The following RICTOR variants were observed in gnomAD, a reference collection of about 807,000 sequenced individuals.
RICTOR encodes RPTOR independent companion of MTOR complex 2, also known as rapamycin-insensitive companion of mTOR.
A neutral mutation model predicts 214.9 loss-of-function variants in RICTOR; 49 were observed. The ratio of observed to expected loss-of-function variants is 0.23; its 90% CI spans 0.18 to 0.29. The LOEUF (loss-of-function observed/expected upper bound fraction) is 0.29. RICTOR is among the 10% of genes least tolerant of loss of function. RICTOR has a pLI of 1.00. For missense variants in RICTOR, 1,625 were observed against 2,047.0 expected, an observed-to-expected ratio of 0.79 and a Z score of 3.98; for synonymous variants, 717 against 711.3, an observed-to-expected ratio of 1.01 and a Z score of -0.13.
intron 6 of RICTOR, among the ~76,000 whole-genome samples, chr5:38,996,346 G>A (rs1219776253): frequency 6.6e-6 from 1 of 152,112 alleles, no homozygotes; most frequent in African/African-American, 2.4e-5. Context: ...TGTAGGCTGT[G>A]ACCTTTTATC....
chr5:38,967,457 G>T, intron 12 of RICTOR, 30 bp from the exon 13 acceptor site: 2 of 1,460,862 alleles, frequency 1.4e-6, no homozygotes, highest in South Asian at 1.2e-5. Flanking sequence ...GTAGGGAAAA[G>T]ATTAGATATC....
intron 8 of RICTOR, among the ~76,000 whole-genome samples, chr5:38,978,900 A>C (rs1006648871): frequency 3.3e-5 from 5 of 152,152 alleles, no homozygotes; most frequent in African/African-American, 1.2e-4. Context: ...AAGCACACTC[A>C]TGTAACTAGC....
chr5:39,067,108 T>G (rs1398359337), intron 2 of RICTOR, among the ~76,000 whole-genome samples: 1 of 152,216 alleles, frequency 6.6e-6, no homozygotes, highest in East Asian at 1.9e-4. Flanking sequence ...GTTCTTGCAC[T>G]GCTATAAAGA....
intron 3 of RICTOR, among the ~76,000 whole-genome samples, chr5:39,005,174 T>C (rs1460171079): frequency 6.6e-6 from 1 of 152,212 alleles, no homozygotes; most frequent in Non-Finnish European, 1.5e-5. Flanking sequence ...TTTGTAGCTA[T>C]CCTGCTTAGG....
chr5:39,064,302 T>C (rs1758754363), intron 2 of RICTOR, among the ~76,000 whole-genome samples: 1 of 152,228 alleles, frequency 6.6e-6, no homozygotes, highest in South Asian at 2.1e-4. Context: ...CTTCAATTAT[T>C]CATACAGATT....
intron 3 of RICTOR, among the ~76,000 whole-genome samples, chr5:39,011,090 C>A (rs553779687): frequency 1.3e-5 from 2 of 152,220 alleles, no homozygotes; most frequent in East Asian, 3.9e-4. Context: ...GGCCCAGAGG[C>A]CTAGGAGGAA....
At chr5:38,979,784 T>C (rs1300004597) in intron 8 of RICTOR, among the ~76,000 whole-genome samples, 1 of 152,232 alleles carries the variant, frequency 6.6e-6, no homozygotes, top group Non-Finnish European at 1.5e-5. Flanking sequence ...GTTTGTTTTC[T>C]GAGCTTTACA....
intron 2 of RICTOR, among the ~76,000 whole-genome samples, chr5:39,043,579 G>A (rs1344538716): frequency 1.3e-5 from 2 of 152,136 alleles, no homozygotes; most frequent in African/African-American, 4.8e-5. Context: ...GTACTGTATT[G>A]TATATTTCAA....
At chr5:39,066,227 T>C (rs983995017) in intron 2 of RICTOR, among the ~76,000 whole-genome samples, 1 of 152,268 alleles carries the variant, frequency 6.6e-6, no homozygotes, top group Non-Finnish European at 1.5e-5. Context: ...TCAAGTCTTA[T>C]GGCTTGCACC....
intron 2 of RICTOR, among the ~76,000 whole-genome samples, chr5:39,025,516 G>C (rs778025716): frequency 5.9e-5 from 9 of 152,208 alleles, no homozygotes; most frequent in Non-Finnish European, 7.3e-5. Context: ...TATTAAGTCA[G>C]TTCAGTATAC....
Position 38,975,628 on chromosome 5 carries a change from G to A in RICTOR, c.822-24C>T, listed in dbSNP as rs573034316. On this transcript the variant is annotated intron_variant, in intron 9 of 37. Transcript: ENST00000357387. Reference sequence around the variant, plus strand: ...CTCTGTTGGGGGTGGGGAGGCAGCGGGGAGAATCAATGAAATAAAATGTTA... The same window carrying A: ...CTCTGTTGGGGGTGGGGAGGCAGCGAGGAGAATCAATGAAATAAAATGTTA... 8.9e-5 allele frequency: 141 copies of A among 1,587,220 alleles called. 3 individuals are homozygous for A. In the South Asian group the frequency reaches 1.5e-3, roughly 17 times the overall value.
intron 15 of RICTOR, among the ~76,000 whole-genome samples, chr5:38,966,373 G>A (rs1432149476): frequency 6.6e-6 from 1 of 152,204 alleles, no homozygotes; most frequent in African/African-American, 2.4e-5. Flanking sequence ...GAAAGTGAGT[G>A]TAAAAATCAA....
At chr5:39,016,317 G>GA (rs1754942016) in intron 3 of RICTOR, among the ~76,000 whole-genome samples, 1 of 148,458 alleles carries the variant, frequency 6.7e-6, no homozygotes, top group Admixed American at 6.8e-5. Flanking sequence ...AAAGGAAGGA[G>GA]AGGGGGAACA....
In RICTOR at chr5:38,954,451, A is replaced by T. The variant is rs745307950; in HGVS notation, c.2697+323T>A. 5.9e-5 allele frequency among the ~76,000 whole-genome samples: 9 copies of T among 151,906 alleles called. No individual in the cohort carries two copies. In the South Asian group the frequency reaches 1.0e-3, roughly 17 times the overall value. On this transcript the variant is annotated intron_variant, in intron 27 of 37. Coordinates refer to ENST00000357387, the MANE Select transcript of RICTOR (RefSeq NM_152756.5). ...TGGAAGAAAAACTCGGTTTTTCAGT[A>T]CGTTTTTGGAGATCTGAATTTCTCC...
At chr5:39,020,804 A>C (rs1755361909) in intron 3 of RICTOR, among the ~76,000 whole-genome samples, 1 of 152,238 alleles carries the variant, frequency 6.6e-6, no homozygotes, top group African/African-American at 2.4e-5. Context: ...TAAATTTCTC[A>C]GTGATTTTAT....
chr5:38,987,536 T>C (rs756794684), intron 7 of RICTOR, among the ~76,000 whole-genome samples: 13 of 152,238 alleles, frequency 8.5e-5, no homozygotes, highest in Non-Finnish European at 1.5e-4. Flanking sequence ...CAGTCTGTAT[T>C]TCTGTGGGAT....
chr5:38,991,103 GTTACT>G (rs1168204151), intron 6 of RICTOR, 28 bp from the exon 7 acceptor site: 1 of 1,537,992 alleles, frequency 6.5e-7, no homozygotes, highest in African/African-American at 1.4e-5. Flanking sequence ...AGAAAAAGAA[GTTACT>G]TTAGTAATAC....
chr5:38,956,250 A>G (rs147427118), intron 25 of RICTOR, among the ~76,000 whole-genome samples: 28 of 152,170 alleles, frequency 1.8e-4, no homozygotes, highest in African/African-American at 6.5e-4. Context: ...TCAATGATCA[A>G]AATTCCTCCT....
intron 25 of RICTOR, 38 bp from the exon 26 acceptor site, chr5:38,955,742 CAAT>C (rs1287302566): frequency 8.4e-6 from 9 of 1,073,642 alleles, no homozygotes; most frequent in Non-Finnish European, 1.3e-5. Flanking sequence ...CATAGTATCA[CAAT>C]GAGTCACTAA....
Sources: gnomAD v4.1 joint callset for allele counts (sites outside exome capture counted in the v4.1 genomes callset) on GRCh38, gnomAD v4.1.1 for gene constraint, MANE v1.5 for transcripts, NCBI Gene and HGNC (gene_info 2026-07-23, HGNC 2026-07-21) for gene names.